Variants in MYBPH observed in about 807,000 individuals in gnomAD.
The protein encoded by MYBPH is myosin-binding protein H.
Under a neutral mutation model 53.6 loss-of-function variants are expected in MYBPH, and 49 were observed. The ratio of observed to expected loss-of-function variants is 0.91; its 90% confidence interval spans 0.73 to 1.16. MYBPH has a LOEUF of 1.16. MYBPH is among the 50% of genes most tolerant of loss of function. MYBPH has a pLI of 0.00. For missense variants in MYBPH, 558 were observed against 624.1 expected, an observed-to-expected ratio of 0.89 and a Z score of 1.13; for synonymous variants, 239 against 249.6, an observed-to-expected ratio of 0.96 and a Z score of 0.40.
chr1:203,174,555 G>T lies in MYBPH; in HGVS notation c.383C>A (p.Thr128Asn). 6.2e-7 allele frequency: 1 copy of T among 1,611,012 alleles called. No individual in the cohort carries two copies. Among genetic ancestry groups the T allele is most frequent in the Non-Finnish European group, 8.5e-7 (1 of 1,177,532 alleles). Residue 128 changes from threonine to asparagine, a missense_variant, in exon 3 of 11, where the codon ACC (threonine) becomes AAC (asparagine). Transcript: ENST00000255416. ...AGCCAGGTTCCGCACAGTCTGCTGGGTCACCATCATGGGCCGGGCACTCAC... is the reference window on the plus strand; with the variant it reads ...AGCCAGGTTCCGCACAGTCTGCTGGTTCACCATCATGGGCCGGGCACTCAC... ...VPVSARPMMV[T>N]QQTVRNLALG...
chr1:203,168,921 G>C lies in MYBPH; in HGVS notation c.1402C>G (p.Arg468Gly). The C allele has an allele frequency of 6.2e-7, 1 of 1,613,966 alleles. No individual in the cohort carries two copies. Among genetic ancestry groups the C allele is most frequent in the Non-Finnish European group, 8.5e-7 (1 of 1,180,020 alleles). The change falls in exon 9 of 11, where the codon CGG becomes GGG. Residue 468 changes from arginine (R) to glycine (G), a missense_variant. By Grantham distance (125) the Arg-to-Gly change is moderately radical (BLOSUM62 -2). Transcript: ENST00000255416. ...AAACTCTCACCTTTGACCTCCAGCCGGCAGTCCACAGATGCCTCCCCCAGC... is the reference window on the plus strand; with the variant it reads ...AAACTCTCACCTTTGACCTCCAGCCCGCAGTCCACAGATGCCTCCCCCAGC... ...NVLGEASVDC[R>G]LEVKASAAH is the part of the protein sequence containing the mutation.
rs2102187965 is a variant in MYBPH at position 203,169,676 on chromosome 1, C to T, written c.1094-287G>A. Among the ~76,000 whole-genome samples, 2 of 152,330 alleles carry T rather than the reference C, an allele frequency of 1.3e-5. 1 individual carries two copies. Among genetic ancestry groups the T allele is most frequent in the South Asian group, 4.1e-4 (2 of 4,820 alleles). On this transcript the variant is annotated intron_variant, in intron 7 of 10. Transcript: ENST00000255416. The stretch of plus-strand genomic sequence containing the variant: ...TTTGGGTTTGTCGTTGGAGACTTGA[C>T]TGGCTTTCTTTTTTTAAACAAAAGT...
intron 2 of MYBPH, 125 bp downstream of exon 2, chr1:203,175,202 A>G (rs1309986342): frequency 2.4e-6 from 3 of 1,239,158 alleles, no homozygotes; most frequent in East Asian, 2.7e-5. Context: ...TGAGGAGCCT[A>G]CTGCTCGCAT....
chr1:203,167,855 A>T lies in MYBPH; in HGVS notation c.*269T>A, dbSNP rs1042295. 98,207 of 152,130 alleles carry T rather than the reference A, an allele frequency of 0.65. 32,537 individuals are homozygous for T. Among genetic ancestry groups the T allele is most frequent in the African/African-American group, 0.81 (33,681 of 41,420 alleles). The allele number at this position is 152,130 out of a possible 1,614,324, so 9.4% of individuals were successfully genotyped here. ...CTTTATTTGAGTGCTTCCCACCCAG[A>T]GTGCAACTCCGCAGGGCACTCCAAT... On this transcript the variant is annotated 3_prime_UTR_variant, in exon 11 of 11. Transcript: ENST00000255416.
At chr1:203,169,151 A>T (rs1457616769) in intron 8 of MYBPH, 59 bp from the exon 9 acceptor site, 59 of 1,594,192 alleles carry the variant, frequency 3.7e-5, no homozygotes, top group Non-Finnish European at 4.6e-5. Context: ...GGCTCTCAAC[A>T]GCTATCCCCA....
At chr1:203,172,074 C>A in intron 3 of MYBPH, 34 bp from the exon 4 acceptor site, 1 of 1,248,788 alleles carries the variant, frequency 8.0e-7, no homozygotes. Context: ...CTTAGCAGTG[C>A]AGTGGGGTGG....
At chr1:203,170,612 C>T (rs1451984607) in intron 6 of MYBPH, among the ~76,000 whole-genome samples, 162 bp from the exon 7 acceptor site, 2 of 152,126 alleles carry the variant, frequency 1.3e-5, no homozygotes, top group Non-Finnish European at 2.9e-5. Flanking sequence ...AAGAAGGGGC[C>T]CCTGGGTCAC....
chr1:203,175,824 G>T lies in MYBPH; in HGVS notation c.-69C>A. ...GCCGTTGGGGGGCCTGGGCCTCTAGGGTGCCTGGGACACCTAGGTCCAGGC... is the reference window on the plus strand; with the variant it reads ...GCCGTTGGGGGGCCTGGGCCTCTAGTGTGCCTGGGACACCTAGGTCCAGGC... On this transcript the variant is annotated 5_prime_UTR_variant, in exon 1 of 11. Coordinates refer to ENST00000255416, the MANE Select transcript of MYBPH (RefSeq NM_004997.3). The T allele has an allele frequency of 6.5e-7, 1 of 1,527,112 alleles. No individual in the cohort carries two copies. The highest frequency in any genetic ancestry group is 9.0e-7 in the Non-Finnish European group (1 of 1,110,804). 94.6% of individuals were successfully genotyped at this position (1,527,112 alleles called of 1,614,324 possible).
rs199687286 is a variant in MYBPH, at chr1:203,168,898, A to G, written c.1417+8T>C. 6.2e-7 allele frequency: 1 copy of G among 1,613,322 alleles called. No homozygotes were observed. Among genetic ancestry groups the G allele is most frequent in the African/African-American group, 1.3e-5 (1 of 74,830 alleles). On this transcript the variant is annotated splice_region_variant and intron_variant, in intron 9 of 10. Transcript: ENST00000255416. ...CTTACTCCTGTTCTCCCGTCCTCAA[A>G]CTCTCACCTTTGACCTCCAGCCGGC...
At chr1:203,172,125 A>G in intron 3 of MYBPH, 85 bp from the exon 4 acceptor site, 3 of 851,968 alleles carry the variant, frequency 3.5e-6, no homozygotes, top group Non-Finnish European at 4.8e-6. Context: ...ACAGCTGGTG[A>G]GGGATGCTGG....
At chr1:203,175,226 A>G (rs987009868) in intron 2 of MYBPH, 101 bp downstream of exon 2, 2 of 1,366,744 alleles carry the variant, frequency 1.5e-6, no homozygotes, top group South Asian at 2.4e-5. Context: ...CTCCTTCTGT[A>G]TCTCTCCCAG....
intron 2 of MYBPH, among the ~76,000 whole-genome samples, chr1:203,174,975 T>C (rs1655771502): frequency 6.6e-6 from 1 of 151,878 alleles, no homozygotes; most frequent in South Asian, 2.1e-4. Context: ...TACGCTAACA[T>C]TCCCCTCTCC....
chr1:203,168,208 C>A, intron 10 of MYBPH, 117 bp from the exon 11 acceptor site: 3 of 240,562 alleles, frequency 1.2e-5, no homozygotes, highest in Non-Finnish European at 2.5e-5. Context: ...CTCCCTCCCT[C>A]AGGTGCAATG....
In MYBPH at chr1:203,171,169, G is replaced by T. The variant is rs777879709; in HGVS notation, c.825C>A (p.Leu275=). Residue 275 remains leucine (L), a synonymous_variant, in exon 6 of 11, where the codon CTC becomes CTA. Transcript: ENST00000255416. The surrounding 1 kb of genome is among the most constrained non-coding windows in gnomAD (Gnocchi z 4.2). The part of the protein sequence containing the change: ...EKPGPPSSIR[L]LDVWGCNAAL... ...CAGCATTGCAGCCCCAGACGTCCAG[G>T]AGCCTGATGCTGCTGGGGGGTCCAG... 1.2e-6 allele frequency: 2 copies of T among 1,610,890 alleles called. No individual in the cohort carries two copies. Among genetic ancestry groups the T allele is most frequent in the Non-Finnish European group, 1.7e-6 (2 of 1,178,510 alleles).
chr1:203,178,110 A>G (rs559869131), upstream of MYBPH, among the ~76,000 whole-genome samples: 54 of 152,336 alleles, frequency 3.5e-4, no homozygotes, highest in African/African-American at 1.3e-3. Context: ...TGGGGTGAGT[A>G]TCTGGAGCCT....
chr1:203,175,162 G>A (rs887305647), intron 2 of MYBPH, among the ~76,000 whole-genome samples, 165 bp downstream of exon 2: 18 of 151,296 alleles, frequency 1.2e-4, no homozygotes, highest in Admixed American at 3.3e-4. Flanking sequence ...CTCTCCTGCT[G>A]GTGGAGCAAG....
rs939379349 is a variant in MYBPH at position 203,168,809 on chromosome 1, C to T, written c.1417+97G>A. Reference sequence around the variant, plus strand: ...CAGCACAGCCTGACCCCAGTCTTACCACCCCTTCTCTTCGGCCTTGATTTT... The same window carrying T: ...CAGCACAGCCTGACCCCAGTCTTACTACCCCTTCTCTTCGGCCTTGATTTT... On this transcript the variant is annotated intron_variant, in intron 9 of 10. Coordinates refer to ENST00000255416, the MANE Select transcript of MYBPH (RefSeq NM_004997.3). 8.9e-6 allele frequency: 14 copies of T among 1,580,616 alleles called. No individual in the cohort carries two copies. The African/African-American group carries it at 1.9e-4, about 21-fold the overall frequency.
At chr1:203,177,431 G>A (rs554313834), upstream of MYBPH, among the ~76,000 whole-genome samples, 1 of 152,354 alleles carries the variant, frequency 6.6e-6, no homozygotes, top group Admixed American at 6.5e-5. Flanking sequence ...AGGGCCCTCA[G>A]CAGCATGCAT....
intron 3 of MYBPH, 46 bp from the exon 4 acceptor site, chr1:203,172,086 T>G: frequency 8.4e-7 from 1 of 1,190,972 alleles, no homozygotes; most frequent in Non-Finnish European, 1.1e-6. Flanking sequence ...GTGGGGTGGC[T>G]GATTGGGGTT....
Sources: gnomAD v4.1 joint callset for allele counts (sites outside exome capture counted in the v4.1 genomes callset) on GRCh38, gnomAD v4.1.1 for gene constraint, Gnocchi (gnomAD v3.1) non-coding constraint, MANE v1.5 for transcripts, NCBI Gene and HGNC (gene_info 2026-07-23, HGNC 2026-07-21) for gene names.